Variants in GPHN observed in about 807,000 individuals in gnomAD.
The protein encoded by GPHN is gephyrin.
In GPHN, 17 loss-of-function variants were observed where a neutral mutation model predicts 95.5. That is an observed-to-expected ratio of 0.18 (90% CI 0.12 to 0.27). The LOEUF (loss-of-function observed/expected upper bound fraction) is 0.27. Ranked by LOEUF, GPHN falls within the 10% of genes least tolerant of loss-of-function variation. The pLI is 1.00. For missense variants in GPHN, 660 were observed against 978.1 expected, an observed-to-expected ratio of 0.67 and a Z score of 4.34; for synonymous variants, 320 against 322.5, an observed-to-expected ratio of 0.99 and a Z score of 0.08.
In GPHN at chr14:67,179,542, G is replaced by T. The variant is rs2083211293; in HGVS notation, c.2080-36G>T. On this transcript the variant is annotated intron_variant, in intron 21 of 22. Transcript: ENST00000478722. ...TTGTATTTTTGTGAGATGATCAGGT[G>T]ACCAAGTTTGTTTTCTTTTCTACTT... 4.1e-6 allele frequency: 5 copies of T among 1,212,600 alleles called. No homozygotes were observed. The African/African-American group carries it at 4.4e-5, about 11-fold the overall frequency. The allele number at this position is 1,212,600 out of a possible 1,614,324, so 75.1% of individuals were successfully genotyped here.
the GPHN span, among the ~76,000 whole-genome samples, chr14:67,260,195 T>C: frequency 1.3e-5 from 2 of 152,340 alleles, no homozygotes; most frequent in East Asian, 3.9e-4. Flanking sequence ...TTGATTTAAC[T>C]GTATTCGTAA....
At chr14:66,833,593 C>T (rs953080287) in intron 4 of GPHN, among the ~76,000 whole-genome samples, 1 of 151,252 alleles carries the variant, frequency 6.6e-6, no homozygotes, top group Non-Finnish European at 1.5e-5. Context: ...AGCATTTATT[C>T]GAATGCACAT....
intron 9 of GPHN, among the ~76,000 whole-genome samples, chr14:66,982,683 TA>T (rs2070755335): frequency 6.6e-6 from 1 of 152,172 alleles, no homozygotes; most frequent in South Asian, 2.1e-4. Flanking sequence ...TGATTATCAA[TA>T]TATATAAGTA....
the GPHN span, among the ~76,000 whole-genome samples, chr14:67,642,713 T>C: frequency 6.6e-6 from 1 of 151,594 alleles, no homozygotes; most frequent in Admixed American, 6.6e-5. Context: ...GATCCATTGA[T>C]AGGCTGAATG....
intron 8 of GPHN, among the ~76,000 whole-genome samples, chr14:66,951,259 C>A (rs2068092624): frequency 6.6e-6 from 1 of 152,010 alleles, no homozygotes; most frequent in African/African-American, 2.4e-5. Flanking sequence ...GTGGCTAACA[C>A]CTGTAAACCC....
the GPHN span, among the ~76,000 whole-genome samples, chr14:67,267,878 T>G: frequency 1.3e-5 from 2 of 152,230 alleles, no homozygotes; most frequent in Non-Finnish European, 2.9e-5. Flanking sequence ...TGAGACTGTG[T>G]TGTTGGATAT....
At chr14:67,701,425 C>CTTTTTTTTT in the GPHN span, among the ~76,000 whole-genome samples, 3 of 71,124 alleles carry the variant, frequency 4.2e-5, no homozygotes, top group Non-Finnish European at 8.5e-5. Context: ...ATTATAATTT[C>CTTTTTTTTT]TTTTTTTTTT....
the GPHN span, among the ~76,000 whole-genome samples, chr14:67,549,942 A>G: frequency 6.6e-6 from 1 of 152,218 alleles, no homozygotes; most frequent in Non-Finnish European, 1.5e-5. Flanking sequence ...TCTCTCCTGC[A>G]ACTAACCTCT....
chr14:67,061,793 T>C (rs1292928201), intron 11 of GPHN, among the ~76,000 whole-genome samples: 1 of 152,168 alleles, frequency 6.6e-6, no homozygotes, highest in Non-Finnish European at 1.5e-5. Flanking sequence ...ATTACAGGCA[T>C]AAGCCACCAT....
chr14:66,551,281 G>C (rs1245379395), intron 1 of GPHN: 1 of 152,166 alleles, frequency 6.6e-6, no homozygotes, highest in Non-Finnish European at 1.5e-5. Context: ...GCAGCCAGTT[G>C]GTCTTTAAAA....
At chr14:66,969,268 A>C (rs554866892) in intron 9 of GPHN, 1 of 152,300 alleles carries the variant, frequency 6.6e-6, no homozygotes, top group Admixed American at 6.5e-5. Flanking sequence ...CAAAGTTGGG[A>C]TATTTGACTT....
the GPHN span, among the ~76,000 whole-genome samples, chr14:67,563,143 G>A: frequency 6.6e-6 from 1 of 152,240 alleles, no homozygotes; most frequent in Non-Finnish European, 1.5e-5. Flanking sequence ...ATTGAGCTGG[G>A]TGCCCTGCAT....
the GPHN span, chr14:67,390,664 T>G: frequency 6.2e-7 from 1 of 1,607,630 alleles, no homozygotes; most frequent in Non-Finnish European, 8.5e-7. Context: ...CGCACTCACT[T>G]TGGAAGGGTC....
chr14:66,556,757 A>G (rs1181666007), intron 1 of GPHN, among the ~76,000 whole-genome samples: 2 of 152,036 alleles, frequency 1.3e-5, no homozygotes, highest in East Asian at 1.9e-4. Context: ...TTGAGGATTT[A>G]CAGAAGTACT....
At chr14:66,763,541 T>A (rs2058840835) in intron 2 of GPHN, among the ~76,000 whole-genome samples, 2 of 151,668 alleles carry the variant, frequency 1.3e-5, no homozygotes, top group East Asian at 3.9e-4. Context: ...GTTTCCAATT[T>A]CATCCATGTC....
At chr14:67,578,210 CA>C in the GPHN span, 1 of 1,610,712 alleles carries the variant, frequency 6.2e-7, no homozygotes, top group Non-Finnish European at 8.5e-7. The surrounding 1 kb of genome is among the most constrained non-coding windows in gnomAD (Gnocchi z 5.0). Flanking sequence ...GTAGGCATGC[CA>C]GGGGTGGAGC....
At chr14:67,197,143 G>C in the GPHN span, 2 of 152,338 alleles carry the variant, frequency 1.3e-5, no homozygotes, top group African/African-American at 4.8e-5. Flanking sequence ...TGCCCAGGCT[G>C]TTCTCAAACT....
intron 1 of GPHN, among the ~76,000 whole-genome samples, chr14:66,511,006 A>G (rs1415587980): frequency 6.6e-6 from 1 of 152,166 alleles, no homozygotes; most frequent in Non-Finnish European, 1.5e-5. Context: ...TAATAGAGGA[A>G]AATAGGTTTT....
intron 10 of GPHN, among the ~76,000 whole-genome samples, chr14:67,053,030 A>G (rs939665747): frequency 1.3e-5 from 2 of 151,696 alleles, no homozygotes; most frequent in African/African-American, 4.8e-5. Context: ...ATCAAAATTA[A>G]AAGAACTAGA....
Sources: allele counts gnomAD v4.1 joint callset (sites outside exome capture counted in the v4.1 genomes callset), GRCh38; gene constraint gnomAD v4.1.1; non-coding constraint Gnocchi (gnomAD v3.1); transcripts MANE v1.5; gene names NCBI Gene and HGNC (gene_info 2026-07-23, HGNC 2026-07-21).